IMMT: variants seen among roughly 807,000 people sequenced by gnomAD.
IMMT encodes inner membrane mitochondrial protein, also known as MICOS complex subunit MIC60.
Under a neutral mutation model 92.7 loss-of-function variants are expected in IMMT, and 40 were observed. That is an observed-to-expected ratio of 0.43 (90% confidence interval 0.34 to 0.56). The LOEUF (loss-of-function observed/expected upper bound fraction) is 0.56, where lower values mean the gene tolerates loss of function less well. Among genes scored for constraint, IMMT ranks in the 20% least tolerant of loss-of-function variants. The pLI, the probability that IMMT is intolerant of heterozygous loss-of-function variation, is 0.03. For missense variants in IMMT, 831 were observed against 912.1 expected, an observed-to-expected ratio of 0.91 and a Z score of 1.14; for synonymous variants, 322 against 336.1, an observed-to-expected ratio of 0.96 and a Z score of 0.46.
chr2:86,144,243 G>T lies in IMMT; in HGVS notation c.*25C>A. The T allele has an allele frequency of 1.2e-6, 2 of 1,610,448 alleles. No individual in the cohort carries two copies. Among genetic ancestry groups the T allele is most frequent in the South Asian group, 2.2e-5 (2 of 90,886 alleles). On this transcript the variant is annotated 3_prime_UTR_variant, in exon 15 of 15. Coordinates refer to ENST00000410111, the MANE Select transcript of IMMT (RefSeq NM_006839.3). The stretch of plus-strand genomic sequence containing the variant: ...GCTGATTTCCTTTGACATGAAATAT[G>T]ACTTTATGAAAATCTTCCTAAACCT...
intron 10 of IMMT, among the ~76,000 whole-genome samples, chr2:86,156,116 C>G (rs772846966): frequency 8.5e-5 from 13 of 152,128 alleles, no homozygotes; most frequent in Non-Finnish European, 1.8e-4. Context: ...CCGGACAGTT[C>G]TCTGCTGTAA....
At position 86,161,964 on chromosome 2, in the gene IMMT, A is replaced by AT. The variant is rs1180394081; in HGVS notation, c.896+11dup. 20 of 1,560,558 alleles carry AT rather than the reference A, an allele frequency of 1.3e-5. No homozygotes were observed. In the Admixed American group the frequency reaches 3.2e-4, roughly 25 times the overall value. On this transcript the variant is annotated intron_variant, in intron 8 of 14. Transcript: ENST00000410111. ...AGGCCCTAATTACTTGTTAAAGTCC[A>AT]TGAGTAATTACTTGGCTTTGAGAAG...
chr2:86,177,372 G>A (rs1677498996), intron 3 of IMMT, among the ~76,000 whole-genome samples: 1 of 152,096 alleles, frequency 6.6e-6, no homozygotes, highest in Non-Finnish European at 1.5e-5. Flanking sequence ...GGAGGCTGAG[G>A]TGGGCGGATC....
intron 12 of IMMT, among the ~76,000 whole-genome samples, chr2:86,148,839 T>TATA (rs1402660574): frequency 6.7e-6 from 1 of 149,996 alleles, no homozygotes; most frequent in Non-Finnish European, 1.5e-5. Context: ...TCAGAAACAA[T>TATA]ATAATAAATC....
chr2:86,189,421 G>C (rs1019779264), intron 1 of IMMT, among the ~76,000 whole-genome samples: 1 of 152,150 alleles, frequency 6.6e-6, no homozygotes, highest in Non-Finnish European at 1.5e-5. Flanking sequence ...TTTTAGTAGA[G>C]ACGGGGTTTC....
At chr2:86,189,266 G>A (rs148389714) in intron 1 of IMMT, among the ~76,000 whole-genome samples, 1,831 of 151,398 alleles carry the variant, frequency 0.012, 44 homozygotes, top group African/African-American at 0.042. Context: ...ATGGAGTCTC[G>A]CTGTGACACC....
chr2:86,152,440 CA>C (rs772186185), intron 11 of IMMT, among the ~76,000 whole-genome samples: 831 of 76,828 alleles, frequency 0.011, 16 homozygotes, highest in African/African-American at 0.038. Flanking sequence ...GACTCCATCT[CA>C]AAAAAAAAAA....
chr2:86,160,817 T>G lies in IMMT; in HGVS notation c.897-1146A>C, dbSNP rs1676215027. Among the ~76,000 whole-genome samples the G allele has an allele frequency of 2.6e-5, 4 of 152,234 alleles. No homozygotes were observed. In the South Asian group the frequency reaches 8.3e-4, roughly 31 times the overall value. ...TAAGGCAGACAGATTGTGACATACT[T>G]TCTACATTCTGATAAACTGCCCAAA... On this transcript the variant is annotated intron_variant, in intron 8 of 14. Transcript: ENST00000410111.
intron 10 of IMMT, 62 bp downstream of exon 10, chr2:86,158,529 GT>G (rs200162466): frequency 0.029 from 40,202 of 1,392,180 alleles, 795 homozygotes; most frequent in Non-Finnish European, 0.035. Context: ...GATGAAGCAA[GT>G]TTAGATTCAT....
At chr2:86,163,163 T>C (rs1676417281) in intron 7 of IMMT, among the ~76,000 whole-genome samples, 1 of 151,366 alleles carries the variant, frequency 6.6e-6, no homozygotes, top group African/African-American at 2.4e-5. Context: ...TTCAACGAAA[T>C]AAAAAAAATA....
intron 6 of IMMT, among the ~76,000 whole-genome samples, chr2:86,169,687 T>C (rs1205102070): frequency 6.7e-6 from 1 of 148,902 alleles, no homozygotes; most frequent in Non-Finnish European, 1.5e-5. Context: ...TAAATATCTA[T>C]TATCTTTTTT....
rs774159747 is a variant in IMMT at position 86,179,443 on chromosome 2, G to C, written c.299C>G (p.Pro100Arg). The C allele has an allele frequency of 6.3e-7, 1 of 1,584,276 alleles. No individual in the cohort carries two copies. The highest frequency in any genetic ancestry group is 1.9e-5 in the Admixed American group (1 of 51,690). ...LGPAAYNVPLPKKSIQSGPLK... is the reference protein window; with the variant it reads ...LGPAAYNVPLRKKSIQSGPLK... ...GTTTAAAACTCTTACCGATTTCTTT[G>C]GCAATGGAACATTATAAGCTGCAGG... is the stretch of plus-strand genomic sequence containing the variant. Residue 100 changes from proline to arginine, a missense_variant, in exon 3 of 15, where the codon CCA (proline) becomes CGA (arginine). By Grantham distance (103) the Pro-to-Arg change is moderately radical. Coordinates refer to ENST00000410111, the MANE Select transcript of IMMT (RefSeq NM_006839.3).
At chr2:86,187,067 C>A (rs1672826778) in intron 1 of IMMT, among the ~76,000 whole-genome samples, 1 of 151,960 alleles carries the variant, frequency 6.6e-6, no homozygotes, top group Admixed American at 6.6e-5. Context: ...ATAAAATTCA[C>A]CATTCTAACC....
chr2:86,161,188 C>T (rs1020337355), intron 8 of IMMT, among the ~76,000 whole-genome samples: 1 of 152,072 alleles, frequency 6.6e-6, no homozygotes, highest in East Asian at 1.9e-4. Context: ...TGGAGTCTCG[C>T]TCTGTCGCCC....
chr2:86,168,361 G>T (rs576262459), intron 6 of IMMT, among the ~76,000 whole-genome samples: 1 of 152,198 alleles, frequency 6.6e-6, no homozygotes, highest in African/African-American at 2.4e-5. Context: ...AGTGGCTCAC[G>T]CCTGTAATCC....
At chr2:86,171,101 C>G (rs1677051796) in intron 5 of IMMT, 107 bp downstream of exon 5, 3 of 1,025,208 alleles carry the variant, frequency 2.9e-6, no homozygotes, top group Non-Finnish European at 4.2e-6. Flanking sequence ...CTCTGAAGAC[C>G]TAAACCTAGT....
chr2:86,181,683 T>C (rs189298060), intron 1 of IMMT, among the ~76,000 whole-genome samples: 8 of 152,170 alleles, frequency 5.3e-5, no homozygotes, highest in African/African-American at 1.7e-4. Context: ...ATTTGCTATA[T>C]GTTTTCTTAA....
chr2:86,173,783 A>C (rs1212380028), intron 3 of IMMT, 22 bp from the exon 4 acceptor site: 1 of 1,297,780 alleles, frequency 7.7e-7, no homozygotes. Flanking sequence ...AAAACATTTA[A>C]CATTTCAGAT....
intron 11 of IMMT, among the ~76,000 whole-genome samples, chr2:86,152,495 T>C (rs981162911): frequency 2.0e-5 from 3 of 148,464 alleles, no homozygotes; most frequent in African/African-American, 7.5e-5. Context: ...ACACAGTAGC[T>C]GATGCCAATA....
Sources: allele counts gnomAD v4.1 joint callset (sites outside exome capture counted in the v4.1 genomes callset), GRCh38; gene constraint gnomAD v4.1.1; transcripts MANE v1.5; gene names NCBI Gene and HGNC (gene_info 2026-07-23, HGNC 2026-07-21).